The following SCARA5 variants were observed in gnomAD, a reference collection of about 807,000 sequenced individuals.
SCARA5 encodes scavenger receptor class A, member 5 (putative).
Under a neutral mutation model 46.3 loss-of-function variants are expected in SCARA5, and 45 were observed. That is an observed-to-expected ratio of 0.97 (90% CI 0.76 to 1.24). SCARA5 has a LOEUF of 1.24. SCARA5 is among the 50% of genes most tolerant of loss of function. SCARA5 has a pLI of 0.00. For missense variants in SCARA5, 680 were observed against 689.0 expected, an observed-to-expected ratio of 0.99 and a Z score of 0.15; for synonymous variants, 333 against 306.5, an observed-to-expected ratio of 1.09 and a Z score of -0.90.
intron 4 of SCARA5, among the ~76,000 whole-genome samples, chr8:27,920,612 C>CAAAAA (rs55954197): frequency 5.2e-4 from 64 of 123,750 alleles, no homozygotes; most frequent in African/African-American, 1.1e-3. Context: ...GACTCCATCT[C>CAAAAA]AAAAAAAAAA....
intron 2 of SCARA5, among the ~76,000 whole-genome samples, chr8:27,977,093 C>A (rs1207129061): frequency 6.6e-6 from 1 of 152,190 alleles, no homozygotes; most frequent in Non-Finnish European, 1.5e-5. Flanking sequence ...ACAGCCGCCC[C>A]ACTCCTCACG....
At chr8:27,896,918 C>A (rs1413966493) in intron 7 of SCARA5, among the ~76,000 whole-genome samples, 2 of 152,092 alleles carry the variant, frequency 1.3e-5, no homozygotes, top group East Asian at 3.9e-4. Context: ...ATGGTGAAAC[C>A]CTGCCTCTAC....
At chr8:27,888,373 T>G (rs1806930832) in intron 7 of SCARA5, among the ~76,000 whole-genome samples, 1 of 152,226 alleles carries the variant, frequency 6.6e-6, no homozygotes, top group Non-Finnish European at 1.5e-5. Context: ...TAGACAAAGT[T>G]TCCCTTCCTT....
chr8:27,907,785 G>C (rs1807291746), intron 5 of SCARA5, among the ~76,000 whole-genome samples: 1 of 152,020 alleles, frequency 6.6e-6, no homozygotes, highest in Non-Finnish European at 1.5e-5. Flanking sequence ...GGCCAGGCTG[G>C]TCTCAAACTC....
intron 2 of SCARA5, among the ~76,000 whole-genome samples, chr8:27,972,360 A>C (rs1049400050): frequency 1.4e-5 from 2 of 142,552 alleles, no homozygotes; most frequent in Non-Finnish European, 3.1e-5. Context: ...ACAAAAAAAA[A>C]CAAAAAAAGT....
chr8:27,952,200 A>C (rs1360051621), intron 3 of SCARA5, among the ~76,000 whole-genome samples: 1 of 152,190 alleles, frequency 6.6e-6, no homozygotes, highest in Admixed American at 6.5e-5. Flanking sequence ...TGGCACCCCC[A>C]GAAGCTGGAA....
At chr8:27,900,793 T>A (rs1271601517) in intron 7 of SCARA5, among the ~76,000 whole-genome samples, 1 of 151,142 alleles carries the variant, frequency 6.6e-6, no homozygotes. Flanking sequence ...TAGCGGGTTT[T>A]TTTTTTTTTT....
At chr8:27,955,632 CA>C (rs1271684437) in intron 3 of SCARA5, among the ~76,000 whole-genome samples, 1 of 152,240 alleles carries the variant, frequency 6.6e-6, no homozygotes, top group Non-Finnish European at 1.5e-5. Context: ...CACTGCCCAA[CA>C]TTCCACCCTC....
chr8:27,975,475 G>T (rs887992540), intron 2 of SCARA5, among the ~76,000 whole-genome samples: 2 of 151,580 alleles, frequency 1.3e-5, no homozygotes, highest in African/African-American at 4.8e-5. Flanking sequence ...TGGGTGCGGG[G>T]TGGGAGCAGT....
intron 3 of SCARA5, among the ~76,000 whole-genome samples, chr8:27,930,044 C>T (rs941374679): frequency 6.6e-6 from 1 of 152,174 alleles, no homozygotes; most frequent in African/African-American, 2.4e-5. Context: ...ATGGTCCCCC[C>T]CAGTCCTGCA....
chr8:27,987,766 C>A, intron 1 of SCARA5, 136 bp from the exon 2 acceptor site: 1 of 611,672 alleles, frequency 1.6e-6, no homozygotes, highest in East Asian at 2.8e-5. Context: ...ACACCGGGAC[C>A]CTCTGCTCAT....
At chr8:27,951,664 G>C (rs1366926209) in intron 3 of SCARA5, among the ~76,000 whole-genome samples, 1 of 152,222 alleles carries the variant, frequency 6.6e-6, no homozygotes, top group Non-Finnish European at 1.5e-5. Flanking sequence ...AGGCAAGTGT[G>C]CTCCACGCCA....
At chr8:27,965,208 C>T (rs1297792338) in intron 3 of SCARA5, among the ~76,000 whole-genome samples, 1 of 152,232 alleles carries the variant, frequency 6.6e-6, no homozygotes, top group Non-Finnish European at 1.5e-5. Flanking sequence ...CCCATTACAT[C>T]ACCCAACTGA....
intron 8 of SCARA5, among the ~76,000 whole-genome samples, chr8:27,873,867 C>T (rs35019551): frequency 0.39 from 58,738 of 151,628 alleles, 12,081 homozygotes; most frequent in East Asian, 0.54. Context: ...CTAAAAACCC[C>T]GTCTCTACCC....
chr8:27,948,858 C>T (rs1399259732), intron 3 of SCARA5, among the ~76,000 whole-genome samples: 1 of 152,264 alleles, frequency 6.6e-6, no homozygotes, highest in East Asian at 1.9e-4. Context: ...CTTGAGAGTT[C>T]ATGCGTTTTG....
Position 27,907,167 on chromosome 8 carries a change from C to T in SCARA5, c.1077G>A (p.Met359Ile). Residue 359 changes from methionine to isoleucine, a missense_variant, in exon 6 of 9, where the codon ATG (methionine) becomes ATA (isoleucine). Physicochemically the swap from Met to Ile is conservative, Grantham distance 10. Coordinates refer to ENST00000354914, the MANE Select transcript of SCARA5 (RefSeq NM_173833.6). Reference sequence around the variant, plus strand: ...TATTACCTTTGAACCCACGCATGCCCATTGGTCCTGTGGCCCCCAGCTTCC... The same window carrying T: ...TATTACCTTTGAACCCACGCATGCCTATTGGTCCTGTGGCCCCCAGCTTCC... ...DDGKLGATGP[M>I]GMRGFKGDRG... is the part of the protein sequence containing the mutation. 6.2e-7 allele frequency: 1 copy of T among 1,613,596 alleles called. No homozygotes were observed. Among genetic ancestry groups the T allele is most frequent in the Non-Finnish European group, 8.5e-7 (1 of 1,179,740 alleles).
Position 27,922,246 on chromosome 8 carries a change from C to A in SCARA5, c.242-1G>T. The A allele has an allele frequency of 6.6e-7, 1 of 1,523,626 alleles. No homozygotes were observed. Among genetic ancestry groups the A allele is most frequent in the South Asian group, 1.3e-5 (1 of 77,022 alleles). The allele number at this position is 1,523,626 out of a possible 1,614,324, so 94.4% of individuals were successfully genotyped here. ...TCAGGGGAGCTGCGCGGCCTGGACA[C>A]TGCGGAGGAGGAAGAGGGGAGACTT... On this transcript the variant is annotated splice_acceptor_variant, in intron 3 of 8. Transcript: ENST00000354914. LOFTEE classifies it high-confidence loss of function.
chr8:27,971,181 T>C (rs921124838), intron 2 of SCARA5, among the ~76,000 whole-genome samples: 1 of 152,206 alleles, frequency 6.6e-6, no homozygotes, highest in African/African-American at 2.4e-5. Flanking sequence ...GGGAAGACGA[T>C]GCATAAAACG....
At chr8:27,920,612 C>CAA (rs55954197) in intron 4 of SCARA5, among the ~76,000 whole-genome samples, 1,618 of 123,740 alleles carry the variant, frequency 0.013, 41 homozygotes, top group African/African-American at 0.044. Flanking sequence ...GACTCCATCT[C>CAA]AAAAAAAAAA....
Sources: gnomAD v4.1 joint callset for allele counts (sites outside exome capture counted in the v4.1 genomes callset) on GRCh38, gnomAD v4.1.1 for gene constraint, MANE v1.5 for transcripts, NCBI Gene and HGNC (gene_info 2026-07-23, HGNC 2026-07-21) for gene names.